The following SPOCK3 variants were observed in gnomAD, a reference collection of about 807,000 sequenced individuals.
SPOCK3 encodes the protein SPARC (osteonectin), cwcv and kazal like domains proteoglycan 3.
Under a neutral mutation model 56.6 loss-of-function variants are expected in SPOCK3, and 30 were observed. The observed-to-expected ratio is 0.53, with a 90% CI of 0.40 to 0.72. The LOEUF is 0.72. Among genes scored for constraint, SPOCK3 ranks in the 30% least tolerant of loss-of-function variants. The probability of loss-of-function intolerance (pLI) is 0.00; values close to 1 mark genes in which losing one functional copy is unlikely to be tolerated. For missense variants in SPOCK3, 527 were observed against 530.0 expected, an observed-to-expected ratio of 0.99 and a Z score of 0.06; for synonymous variants, 196 against 183.3, an observed-to-expected ratio of 1.07 and a Z score of -0.56.
chr4:167,234,082 C>G lies in SPOCK3; in HGVS notation c.92G>C (p.Gly31Ala). The G allele has an allele frequency of 1.9e-6, 3 of 1,613,924 alleles. No homozygotes were observed. In the South Asian group the frequency reaches 3.3e-5, roughly 18 times the overall value. Residue 31 changes from glycine (G) to alanine (A), a missense_variant, in exon 2 of 11, where the codon GGG becomes GCG. By Grantham distance (60) the Gly-to-Ala change is moderately conservative. Transcript: ENST00000357545. Reference sequence around the variant, plus strand: ...CAGAAAATTACCGCCGTCCGACCGCCCCCCGGCTGCAGCCACCGCCGCGGC... The same window carrying G: ...CAGAAAATTACCGCCGTCCGACCGCGCCCCGGCTGCAGCCACCGCCGCGGC... ...AAAAAVAAAG[G>A]RSDGGNFLDD... is the part of the protein sequence containing the mutation.
intron 6 of SPOCK3, among the ~76,000 whole-genome samples, chr4:166,879,146 G>T (rs534216600): frequency 6.7e-6 from 1 of 148,398 alleles, no homozygotes; most frequent in East Asian, 2.0e-4. Flanking sequence ...AAGGCAGAAA[G>T]ACTATCTGGC....
intron 4 of SPOCK3, among the ~76,000 whole-genome samples, chr4:166,994,190 G>A (rs896624631): frequency 6.6e-6 from 1 of 152,058 alleles, no homozygotes; most frequent in Non-Finnish European, 1.5e-5. Flanking sequence ...AATATACAAC[G>A]TGTTTAGGAA....
intron 2 of SPOCK3, among the ~76,000 whole-genome samples, chr4:167,177,275 G>C (rs1731067087): frequency 6.6e-6 from 1 of 152,020 alleles, no homozygotes; most frequent in South Asian, 2.1e-4. Flanking sequence ...AGAAGGGACA[G>C]AGGGACAACT....
chr4:167,210,929 A>T (rs993037766), intron 2 of SPOCK3, among the ~76,000 whole-genome samples: 4 of 152,226 alleles, frequency 2.6e-5, no homozygotes, highest in Non-Finnish European at 5.9e-5. Flanking sequence ...GGAAAATGAT[A>T]GATCCTGCAT....
At chr4:166,907,655 A>G (rs1250709291) in intron 5 of SPOCK3, among the ~76,000 whole-genome samples, 1 of 152,138 alleles carries the variant, frequency 6.6e-6, no homozygotes, top group African/African-American at 2.4e-5. Context: ...TCTGACAATT[A>G]GAACACTCCT....
intron 8 of SPOCK3, among the ~76,000 whole-genome samples, chr4:166,750,613 A>G (rs942197915): frequency 2.0e-5 from 3 of 152,154 alleles, no homozygotes; most frequent in African/African-American, 7.2e-5. Flanking sequence ...AAAATTGTTG[A>G]TTGTTCTGCA....
At chr4:166,998,436 A>C (rs1748614663) in intron 4 of SPOCK3, among the ~76,000 whole-genome samples, 1 of 152,090 alleles carries the variant, frequency 6.6e-6, no homozygotes, top group Admixed American at 6.6e-5. Context: ...GCCTGTAGTT[A>C]AGCTGTTTAA....
At chr4:167,187,877 G>C (rs987613339) in intron 2 of SPOCK3, among the ~76,000 whole-genome samples, 1 of 152,112 alleles carries the variant, frequency 6.6e-6, no homozygotes, top group Non-Finnish European at 1.5e-5. Flanking sequence ...TTGTGCCTTA[G>C]ATAATGTACA....
In SPOCK3 at chr4:167,151,773, T is replaced by A. The variant is rs548739661; in HGVS notation, c.189+82212A>T. ...TCTTAATTTCAATGTCATAGAAGGA[T>A]AAAGAGAAAAAGAAGGGAGGGAATT... is the stretch of plus-strand genomic sequence containing the variant. On this transcript the variant is annotated intron_variant, in intron 2 of 10. Coordinates refer to ENST00000357545, the MANE Select transcript of SPOCK3 (RefSeq NM_001040159.2). Among the ~76,000 whole-genome samples, 3 of 152,230 alleles carry A rather than the reference T, an allele frequency of 2.0e-5. No homozygotes were observed. The South Asian group carries it at 6.2e-4, about 32-fold the overall frequency.
At chr4:167,119,775 A>G (rs1026315755) in intron 2 of SPOCK3, 29 of 1,510,154 alleles carry the variant, frequency 1.9e-5, no homozygotes, top group Non-Finnish European at 2.5e-5. Flanking sequence ...GTTAACATAT[A>G]TTTAACAATT....
intron 2 of SPOCK3, among the ~76,000 whole-genome samples, chr4:167,141,156 C>T (rs945437923): frequency 6.6e-6 from 1 of 151,736 alleles, no homozygotes; most frequent in Admixed American, 6.6e-5. Context: ...GACTTCAGCC[C>T]CAATTACACC....
At chr4:167,065,062 T>TAAAAAAAAAAA (rs74281519) in intron 2 of SPOCK3, among the ~76,000 whole-genome samples, 1 of 56,868 alleles carries the variant, frequency 1.8e-5, no homozygotes, top group African/African-American at 8.1e-5. Flanking sequence ...AAAAAAAAAG[T>TAAAAAAAAAAA]CAAACGCAGC....
chr4:167,109,303 TTATTAATA>T (rs1266178135), intron 2 of SPOCK3, among the ~76,000 whole-genome samples: 82 of 88,854 alleles, frequency 9.2e-4, no homozygotes, highest in South Asian at 5.2e-3. Context: ...TAAATAATAA[TTATTAATA>T]TATTAATATA....
Position 166,887,269 on chromosome 4 carries a change from A to G in SPOCK3, c.589+1861T>C, listed in dbSNP as rs185542939. Among the ~76,000 whole-genome samples, 3 of 152,316 alleles carry G rather than the reference A, an allele frequency of 2.0e-5. No homozygotes were observed. In the East Asian group the frequency reaches 5.8e-4, roughly 29 times the overall value. On this transcript the variant is annotated intron_variant, in intron 6 of 10. Transcript: ENST00000357545. ...ACCTTTTCATTCAAAACAAAGTTTAAAAGCGGGAAATCTCATTGAAGTAAA... is the reference window on the plus strand; with the variant it reads ...ACCTTTTCATTCAAAACAAAGTTTAGAAGCGGGAAATCTCATTGAAGTAAA...
intron 2 of SPOCK3, among the ~76,000 whole-genome samples, chr4:167,206,065 G>A (rs1580623105): frequency 6.6e-6 from 1 of 151,968 alleles, no homozygotes; most frequent in African/African-American, 2.4e-5. Context: ...TTTTAAAGAA[G>A]TATGTTTATG....
chr4:166,864,639 G>A (rs990096269), intron 6 of SPOCK3, among the ~76,000 whole-genome samples: 1 of 152,112 alleles, frequency 6.6e-6, no homozygotes, highest in South Asian at 2.1e-4. Flanking sequence ...TACCATCAGA[G>A]AATGCTATAA....
At chr4:167,100,227 G>A (rs938159509) in intron 2 of SPOCK3, among the ~76,000 whole-genome samples, 2 of 152,052 alleles carry the variant, frequency 1.3e-5, no homozygotes, top group Non-Finnish European at 2.9e-5. Flanking sequence ...ATGTAACATA[G>A]GCAGCTATTG....
chr4:167,171,262 C>T (rs191756596), intron 2 of SPOCK3, among the ~76,000 whole-genome samples: 34 of 152,128 alleles, frequency 2.2e-4, no homozygotes, highest in Non-Finnish European at 4.3e-4. Flanking sequence ...AGAATGTGCA[C>T]AGGTTGATAA....
intron 2 of SPOCK3, among the ~76,000 whole-genome samples, chr4:167,200,508 A>C (rs1377606171): frequency 6.6e-6 from 1 of 152,064 alleles, no homozygotes; most frequent in African/African-American, 2.4e-5. Context: ...TGCTCTCAGC[A>C]AACAATTTTT....
Sources: allele counts gnomAD v4.1 joint callset (sites outside exome capture counted in the v4.1 genomes callset), GRCh38; gene constraint gnomAD v4.1.1; transcripts MANE v1.5; gene names NCBI Gene and HGNC (gene_info 2026-07-23, HGNC 2026-07-21).